Variants in BNC2 observed in about 807,000 individuals in gnomAD.
The protein encoded by BNC2 is zinc finger protein basonuclin-2.
Under a neutral mutation model 76.3 loss-of-function variants are expected in BNC2, and 20 were observed. That is an observed-to-expected ratio of 0.26 (90% CI 0.18 to 0.38). The LOEUF (loss-of-function observed/expected upper bound fraction) is 0.38, where lower values mean the gene tolerates loss of function less well. Ranked by LOEUF, BNC2 falls within the 10% of genes least tolerant of loss-of-function variation. The pLI, the probability that BNC2 is intolerant of heterozygous loss-of-function variation, is 1.00. For synonymous variants in BNC2, 582 were observed against 514.8 expected (o/e 1.13, Z -1.77); for missense variants, 1,382 against 1,399.8 (o/e 0.99, Z 0.20).
intron 4 of BNC2, among the ~76,000 whole-genome samples, chr9:16,571,406 T>C (rs2035353255): frequency 6.6e-6 from 1 of 152,200 alleles, no homozygotes; most frequent in East Asian, 1.9e-4. Context: ...GAACTCCAAA[T>C]GAAATCTTTC....
chr9:16,479,312 T>G (rs1301488685), intron 5 of BNC2, among the ~76,000 whole-genome samples: 3 of 150,966 alleles, frequency 2.0e-5, no homozygotes, highest in Non-Finnish European at 4.4e-5. Context: ...TGGTTGGAAA[T>G]TTATCCCCAA....
At chr9:16,860,025 G>C (rs942065332) in intron 1 of BNC2, among the ~76,000 whole-genome samples, 2 of 152,040 alleles carry the variant, frequency 1.3e-5, no homozygotes, top group African/African-American at 2.4e-5. Context: ...GGGAGACTCA[G>C]GCAGGGGAAT....
chr9:16,849,085 C>T (rs1819062488), intron 1 of BNC2, among the ~76,000 whole-genome samples: 1 of 152,130 alleles, frequency 6.6e-6, no homozygotes, highest in Non-Finnish European at 1.5e-5. Context: ...GTATGTCCAA[C>T]ACAGGTTGTT....
At chr9:16,845,099 C>A (rs1200234443) in intron 1 of BNC2, among the ~76,000 whole-genome samples, 1 of 152,188 alleles carries the variant, frequency 6.6e-6, no homozygotes, top group Non-Finnish European at 1.5e-5. Context: ...AAGTTCCTAT[C>A]AGTCGGGCTG....
chr9:16,485,882 C>A (rs1250258855), intron 5 of BNC2, among the ~76,000 whole-genome samples: 2 of 152,256 alleles, frequency 1.3e-5, no homozygotes, highest in South Asian at 4.2e-4. Flanking sequence ...ATTTGTACCC[C>A]CAAGGGTACA....
intron 1 of BNC2, among the ~76,000 whole-genome samples, chr9:16,855,542 T>G (rs1177157068): frequency 6.6e-6 from 1 of 152,176 alleles, no homozygotes; most frequent in Non-Finnish European, 1.5e-5. Context: ...AAAAGCATCT[T>G]TTTTTTGTTT....
At chr9:16,611,597 A>G (rs539502578) in intron 3 of BNC2, among the ~76,000 whole-genome samples, 9 of 152,228 alleles carry the variant, frequency 5.9e-5, no homozygotes, top group African/African-American at 2.2e-4. Flanking sequence ...GATTGCATAA[A>G]GAACAACAAC....
chr9:16,737,830 T>C (rs1436591689), intron 2 of BNC2, among the ~76,000 whole-genome samples: 2 of 152,106 alleles, frequency 1.3e-5, no homozygotes, highest in East Asian at 1.9e-4. Flanking sequence ...TGGAGAATAG[T>C]GGCTGGGCTA....
At chr9:16,845,731 A>T (rs1006265891) in intron 1 of BNC2, among the ~76,000 whole-genome samples, 4 of 152,138 alleles carry the variant, frequency 2.6e-5, no homozygotes, top group African/African-American at 9.7e-5. Flanking sequence ...AAAATAAAAT[A>T]AAAATAAAAT....
At chr9:16,595,948 G>C (rs1820056752) in intron 3 of BNC2, among the ~76,000 whole-genome samples, 1 of 152,096 alleles carries the variant, frequency 6.6e-6, no homozygotes, top group South Asian at 2.1e-4. Context: ...ATGTGGACTG[G>C]GTTCACATGT....
chr9:16,431,996 C>T (rs1008458327), intron 6 of BNC2, among the ~76,000 whole-genome samples: 9 of 152,166 alleles, frequency 5.9e-5, no homozygotes, highest in East Asian at 3.9e-4. Context: ...TCTGCAGCCC[C>T]GGGGTTGGGG....
At chr9:16,687,522 A>G (rs984996794) in intron 3 of BNC2, among the ~76,000 whole-genome samples, 2 of 152,152 alleles carry the variant, frequency 1.3e-5, no homozygotes, top group African/African-American at 4.8e-5. Context: ...GAGTTCTGCA[A>G]CAGTAATTCT....
chr9:16,611,830 CA>C (rs960820210), intron 3 of BNC2, among the ~76,000 whole-genome samples: 1 of 33,818 alleles, frequency 3.0e-5, no homozygotes, highest in African/African-American at 4.8e-5. Context: ...CTTGATTTAA[CA>C]AAATTTTTGA....
intron 3 of BNC2, among the ~76,000 whole-genome samples, chr9:16,679,351 C>G (rs1822754904): frequency 6.6e-6 from 1 of 152,192 alleles, no homozygotes; most frequent in African/African-American, 2.4e-5. Flanking sequence ...AACTGTAACT[C>G]TGTGAAATGG....
chr9:16,433,298 T>C (rs1175088414), intron 6 of BNC2, among the ~76,000 whole-genome samples: 1 of 152,244 alleles, frequency 6.6e-6, no homozygotes, highest in South Asian at 2.1e-4. Context: ...TATTCTACAA[T>C]GTTTGCAATT....
intron 5 of BNC2, among the ~76,000 whole-genome samples, chr9:16,455,281 A>G (rs770826920): frequency 6.6e-6 from 1 of 152,226 alleles, no homozygotes; most frequent in Non-Finnish European, 1.5e-5. Context: ...AGTGGTAGAG[A>G]GCATCTTTTA....
At chr9:16,640,852 C>T (rs930514577) in intron 3 of BNC2, among the ~76,000 whole-genome samples, 1 of 152,108 alleles carries the variant, frequency 6.6e-6, no homozygotes, top group African/African-American at 2.4e-5. Context: ...CACAGGACAT[C>T]CAGGTTCTGG....
intron 3 of BNC2, among the ~76,000 whole-genome samples, chr9:16,716,945 A>G (rs1243238793): frequency 6.6e-6 from 1 of 152,230 alleles, no homozygotes; most frequent in Admixed American, 6.5e-5. Flanking sequence ...TTAAGTAAAC[A>G]GTTCACAAAA....
rs1163165676 is a variant in BNC2 at position 16,748,153 on chromosome 9, A to C, written c.4-9668T>G. ...ACAGGAGAAAGAGAGAGTAGAAAAG[A>C]AAAACTGAGGAGGTAACAAATACTT... is the stretch of plus-strand genomic sequence containing the variant. On this transcript the variant is annotated intron_variant, in intron 1 of 6. Coordinates refer to ENST00000380672, the MANE Select transcript of BNC2 (RefSeq NM_017637.6). 1.1e-4 allele frequency among the ~76,000 whole-genome samples: 17 copies of C among 152,340 alleles called. No homozygotes were observed. In the East Asian group the frequency reaches 3.3e-3, roughly 29 times the overall value.
Sources: gnomAD v4.1 joint callset for allele counts (sites outside exome capture counted in the v4.1 genomes callset) on GRCh38, gnomAD v4.1.1 for gene constraint, MANE v1.5 for transcripts, NCBI Gene and HGNC (gene_info 2026-07-23, HGNC 2026-07-21) for gene names.